ERCC5: variants seen among roughly 807,000 people sequenced by gnomAD.
The protein encoded by ERCC5 is DNA excision repair protein ERCC-5.
In ERCC5, 68 loss-of-function variants were observed where a neutral mutation model predicts 105.6. That is an observed-to-expected ratio of 0.64 (90% CI 0.53 to 0.79). The LOEUF (loss-of-function observed/expected upper bound fraction) is 0.79, where lower values mean the gene tolerates loss of function less well. ERCC5 is among the 30% of genes least tolerant of loss of function. The pLI is 0.00. For synonymous variants in ERCC5, 546 were observed against 526.2 expected (o/e 1.04, Z -0.51); for missense variants, 1,373 against 1,426.7 (o/e 0.96, Z 0.61).
chr13:102,866,081 C>T, intron 9 of ERCC5, 170 bp downstream of exon 9: 1 of 1,475,820 alleles, frequency 6.8e-7, no homozygotes, highest in Non-Finnish European at 9.3e-7. Context: ...ACTCCGTTTT[C>T]CATGTGGTTT....
At chr13:102,873,735 C>T (rs1237414550) in intron 14 of ERCC5, among the ~76,000 whole-genome samples, 2 of 152,072 alleles carry the variant, frequency 1.3e-5, no homozygotes, top group South Asian at 2.1e-4. Flanking sequence ...ATTCTATAAA[C>T]GAATCTTGAA....
Position 102,854,159 on chromosome 13 carries a change from A to C in ERCC5, c.381-129A>C, listed in dbSNP as rs1535729. On this transcript the variant is annotated intron_variant, in intron 3 of 14. Transcript: ENST00000652225. Reference sequence around the variant, plus strand: ...TGACTCTAGGTGAGCAGCCCCGCCAAGGTTCCTTCCTTTCTCTCGGCTGCA... The same window carrying C: ...TGACTCTAGGTGAGCAGCCCCGCCACGGTTCCTTCCTTTCTCTCGGCTGCA... 1 allele frequency: 1,009,491 copies of C among 1,010,140 alleles called. 504,422 individuals carry two copies. The highest frequency in any genetic ancestry group is 1 in the South Asian group (72,707 of 72,708). The allele number at this position is 1,010,140 out of a possible 1,614,324, so 62.6% of individuals were successfully genotyped here.
Position 102,866,390 on chromosome 13 carries a change from A to T in ERCC5, c.2319+9A>T, listed in dbSNP as rs780208229. 1 of 1,614,110 alleles carries T rather than the reference A, an allele frequency of 6.2e-7. No individual in the cohort carries two copies. The highest frequency in any genetic ancestry group is 8.5e-7 in the Non-Finnish European group (1 of 1,179,942). ...TGTTCCTGGAAAGCCAGGTGGGTGC[A>T]GGCAGCTTGGGTTTCCTTTACCACC... is the stretch of plus-strand genomic sequence containing the variant. On this transcript the variant is annotated intron_variant, in intron 10 of 14. Coordinates refer to ENST00000652225, the MANE Select transcript of ERCC5 (RefSeq NM_000123.4).
chr13:102,875,330 C>A lies in ERCC5; in HGVS notation c.2988C>A (p.Phe996Leu). 2 of 1,613,884 alleles carry A rather than the reference C, an allele frequency of 1.2e-6. No homozygotes were observed. Among genetic ancestry groups the A allele is most frequent in the Non-Finnish European group, 1.7e-6 (2 of 1,179,990 alleles). ...AGACACAGCTCCGAATTGATTCCTT[C>A]TTTAGATTAGCACAACAGGAGAAAG... ...AQQTQLRIDS[F>L]FRLAQQEKED... The change falls in exon 15 of 15, where the codon TTC becomes TTA. Residue 996 changes from phenylalanine (F) to leucine (L), a missense_variant. By Grantham distance (22) the Phe-to-Leu change is conservative. Around this residue, in one of 3 missense-constraint regions of ERCC5, gnomAD observed 367 missense variants for 350.2 expected, o/e 1.05. Coordinates refer to ENST00000652225, the MANE Select transcript of ERCC5 (RefSeq NM_000123.4).
chr13:102,865,614 G>C lies in ERCC5; in HGVS notation c.1955-53G>C. On this transcript the variant is annotated intron_variant, in intron 8 of 14. Coordinates refer to ENST00000652225, the MANE Select transcript of ERCC5 (RefSeq NM_000123.4). This position sits in a 1 kb window ranked among gnomAD's most constrained non-coding sequence, Gnocchi z 4.0. ...TCCAGAAAGCTCTTGATGATTGCAGGATCATTTTAATGTTTTGATTGTAGA... is the reference window on the plus strand; with the variant it reads ...TCCAGAAAGCTCTTGATGATTGCAGCATCATTTTAATGTTTTGATTGTAGA... The C allele has an allele frequency of 6.2e-7, 1 of 1,605,084 alleles. No individual in the cohort carries two copies. The highest frequency in any genetic ancestry group is 8.5e-7 in the Non-Finnish European group (1 of 1,176,250).
chr13:102,852,978 A>G (rs1312941567), intron 2 of ERCC5, among the ~76,000 whole-genome samples: 1 of 152,154 alleles, frequency 6.6e-6, no homozygotes, highest in Non-Finnish European at 1.5e-5. Context: ...TGGATATATG[A>G]CTTTTATTTG....
intron 5 of ERCC5, among the ~76,000 whole-genome samples, chr13:102,857,521 T>G (rs1368958735): frequency 6.6e-6 from 1 of 152,204 alleles, no homozygotes; most frequent in Non-Finnish European, 1.5e-5. Context: ...ATGCAGGACA[T>G]CAGGTTGTAT....
intron 1 of ERCC5, chr13:102,849,235 C>T (rs573990674): frequency 1.9e-6 from 1 of 518,750 alleles, no homozygotes; most frequent in African/African-American, 1.9e-5. Flanking sequence ...TCCACCACTA[C>T]TGTCTGCGTT....
At chr13:102,866,193 C>G (rs1301646993) in intron 9 of ERCC5, 69 bp from the exon 10 acceptor site, 3 of 1,600,054 alleles carry the variant, frequency 1.9e-6, no homozygotes, top group Non-Finnish European at 2.6e-6. Context: ...AGACTAAATG[C>G]AGGCTTTTTG....
chr13:102,862,447 A>C lies in ERCC5; in HGVS notation c.1298A>C (p.Lys433Thr). 6.2e-7 allele frequency: 1 copy of C among 1,614,164 alleles called. No individual in the cohort carries two copies. The highest frequency in any genetic ancestry group is 8.5e-7 in the Non-Finnish European group (1 of 1,180,046). The change falls in exon 8 of 15, where the codon AAA (lysine) becomes ACA (threonine). Residue 433 changes from lysine (K) to threonine (T), a missense_variant. Lys to Thr is a moderately conservative substitution (Grantham distance 78). Transcript: ENST00000652225. ...ACCGAGAACAGTGATGAAGGACTTA[A>C]AGTGAGAGATGGAAAAGGAATACCG... ...SSTENSDEGLKVRDGKGIPFT... is the reference protein window; with the variant it reads ...SSTENSDEGLTVRDGKGIPFT...
intron 12 of ERCC5, among the ~76,000 whole-genome samples, chr13:102,871,224 G>A (rs1364373477): frequency 6.6e-6 from 1 of 152,194 alleles, no homozygotes; most frequent in Non-Finnish European, 1.5e-5. Context: ...AGGAGGTCCA[G>A]GGGACAGGAA....
In ERCC5 at chr13:102,866,301, C is replaced by G; in HGVS notation, c.2239C>G (p.Gln747Glu). The change falls in exon 10 of 15, where the codon CAG (glutamine) becomes GAG (glutamate). Residue 747 changes from glutamine to glutamate, a missense_variant. Gln to Glu is a conservative substitution (Grantham distance 29). Coordinates refer to ENST00000652225, the MANE Select transcript of ERCC5 (RefSeq NM_000123.4). ...ETLESNLLAQ[Q>E]NSLKAQKQQQ... ...TCTGGAGAGCAACCTCTTAGCACAG[C>G]AGAATTCACTGAAAGCTCAAAAACA... is the stretch of plus-strand genomic sequence containing the variant. 2 of 1,614,206 alleles carry G rather than the reference C, an allele frequency of 1.2e-6. No homozygotes were observed. The highest frequency in any genetic ancestry group is 1.7e-6 in the Non-Finnish European group (2 of 1,180,040).
rs1329485356 is a variant in ERCC5 at position 102,865,788 on chromosome 13, A to G, written c.2076A>G (p.Glu692=). Residue 692 remains glutamate (E), a synonymous_variant, in exon 9 of 15, where the codon GAA becomes GAG. Transcript: ENST00000652225. The surrounding 1 kb of genome is among the most constrained non-coding windows in gnomAD (Gnocchi z 4.0). The part of the protein sequence containing the change: ...EEELVGTREG[E]APAESESLLR... ...AACTGGTAGGAACTAGGGAGGGAGA[A>G]GCCCCTGCTGAGTCCGAGAGCCTCC... is the stretch of plus-strand genomic sequence containing the variant. 3 of 1,614,070 alleles carry G rather than the reference A, an allele frequency of 1.9e-6. No homozygotes were observed. Among genetic ancestry groups the G allele is most frequent in the Non-Finnish European group, 1.7e-6 (2 of 1,180,032 alleles).
chr13:102,862,580 A>G lies in ERCC5; in HGVS notation c.1431A>G (p.Ser477=), dbSNP rs1479165784. 5.6e-6 allele frequency: 9 copies of G among 1,614,086 alleles called. No homozygotes were observed. The highest frequency in any genetic ancestry group is 2.7e-5 in the African/African-American group (2 of 74,928). The part of the protein sequence containing the change: ...PTDSVPKEQM[S]LVHVGTEAFP... ...ACTCAGTTCCAAAAGAACAAATGTC[A>G]CTTGTTCACGTGGGGACTGAAGCCT... Residue 477 remains serine, a synonymous_variant, in exon 8 of 15, where the codon TCA becomes TCG. Transcript: ENST00000652225.
intron 12 of ERCC5, 86 bp downstream of exon 12, chr13:102,868,343 A>G (rs555979359): frequency 6.5e-7 from 1 of 1,535,448 alleles, no homozygotes; most frequent in South Asian, 1.1e-5. Flanking sequence ...ATGAACTGTC[A>G]TGCTGTAACA....
In ERCC5 at chr13:102,875,553, A is replaced by G; in HGVS notation, c.3211A>G (p.Lys1071Glu). The G allele has an allele frequency of 1.9e-6, 3 of 1,613,062 alleles. No homozygotes were observed. Among genetic ancestry groups the G allele is most frequent in the Non-Finnish European group, 1.7e-6 (2 of 1,179,664 alleles). The stretch of plus-strand genomic sequence containing the variant: ...TACCTTAGAAGAGTCATCAAGCCTG[A>G]AAAGAAAGAGGCTTTCAGATTCTAA... ...TNTLEESSSL[K>E]RKRLSDSKGK... The change falls in exon 15 of 15, where the codon AAA becomes GAA. Residue 1071 changes from lysine (K) to glutamate (E), a missense_variant. By Grantham distance (56) the Lys-to-Glu change is moderately conservative (BLOSUM62 1). Coordinates refer to ENST00000652225, the MANE Select transcript of ERCC5 (RefSeq NM_000123.4).
At chr13:102,852,916 T>TA (rs1423041217) in intron 2 of ERCC5, among the ~76,000 whole-genome samples, 2 of 152,080 alleles carry the variant, frequency 1.3e-5, no homozygotes, top group African/African-American at 2.4e-5. Context: ...ACCCCATCTC[T>TA]AAAAAAATGA....
At position 102,865,972 on chromosome 13, in the gene ERCC5, A is replaced by C. The variant is rs766118288; in HGVS notation, c.2199+61A>C. ...AGGAAGCCAGGTTAAGTAGGTTTTGAGTTTTAAGGAGTTGGTGGATGAGTA... is the reference window on the plus strand; with the variant it reads ...AGGAAGCCAGGTTAAGTAGGTTTTGCGTTTTAAGGAGTTGGTGGATGAGTA... On this transcript the variant is annotated intron_variant, in intron 9 of 14. Coordinates refer to ENST00000652225, the MANE Select transcript of ERCC5 (RefSeq NM_000123.4). This position sits in a 1 kb window ranked among gnomAD's most constrained non-coding sequence, Gnocchi z 4.0. 1 of 1,612,656 alleles carries C rather than the reference A, an allele frequency of 6.2e-7. No individual in the cohort carries two copies.
At chr13:102,857,471 C>T (rs946780966) in intron 5 of ERCC5, among the ~76,000 whole-genome samples, 3 of 152,126 alleles carry the variant, frequency 2.0e-5, no homozygotes, top group Non-Finnish European at 4.4e-5. Context: ...GTCTGTCCTA[C>T]GTGTTTGCTG....
Sources: allele counts gnomAD v4.1 joint callset (sites outside exome capture counted in the v4.1 genomes callset), GRCh38; gene constraint gnomAD v4.1.1; regional missense constraint gnomAD v4.1.1; non-coding constraint Gnocchi (gnomAD v3.1); transcripts MANE v1.5; gene names NCBI Gene and HGNC (gene_info 2026-07-23, HGNC 2026-07-21).